COL19A1: variants seen among roughly 807,000 people sequenced by gnomAD.
COL19A1 encodes collagen type XIX alpha 1 chain.
A neutral mutation model predicts 190.2 loss-of-function variants in COL19A1; 159 were observed. That is an observed-to-expected ratio of 0.84 (90% CI 0.73 to 0.95). The LOEUF (loss-of-function observed/expected upper bound fraction) is 0.95. COL19A1 is among the 40% of genes least tolerant of loss of function. COL19A1 has a pLI of 0.00. For synonymous variants in COL19A1, 509 were observed against 458.9 expected, an observed-to-expected ratio of 1.11 and a Z score of -1.39; for missense variants, 1,418 against 1,431.9, an observed-to-expected ratio of 0.99 and a Z score of 0.16.
At chr6:70,162,531 T>G (rs1161743416) in intron 35 of COL19A1, among the ~76,000 whole-genome samples, 1 of 152,100 alleles carries the variant, frequency 6.6e-6, no homozygotes, top group Non-Finnish European at 1.5e-5. Context: ...AATTCTAGAG[T>G]CATCAGATAA....
Position 69,979,697 on chromosome 6 carries a change from A to G in COL19A1, c.1026+16827A>G, listed in dbSNP as rs140437004. On this transcript the variant is annotated intron_variant, in intron 11 of 50. Transcript: ENST00000620364. ...CTTTTTTTACTAATGAGTTGACTCTATAGGTAGAAAATCTAAGAGACTTTG... is the reference window on the plus strand; with the variant it reads ...CTTTTTTTACTAATGAGTTGACTCTGTAGGTAGAAAATCTAAGAGACTTTG... Among the ~76,000 whole-genome samples the G allele has an allele frequency of 6.6e-5, 10 of 151,798 alleles. No homozygotes were observed. In the East Asian group the frequency reaches 1.4e-3, roughly 21 times the overall value.
At chr6:70,100,219 T>C (rs1370408117) in intron 15 of COL19A1, among the ~76,000 whole-genome samples, 1 of 152,184 alleles carries the variant, frequency 6.6e-6, no homozygotes, top group Non-Finnish European at 1.5e-5. Context: ...ACCATTGATT[T>C]AGTTTCTTTG....
intron 11 of COL19A1, among the ~76,000 whole-genome samples, chr6:69,992,184 C>T (rs892266551): frequency 6.6e-6 from 1 of 152,088 alleles, no homozygotes; most frequent in East Asian, 1.9e-4. Flanking sequence ...TTTTCGTAAG[C>T]CTTGTCGAAA....
At chr6:69,895,686 A>C (rs1769681791) in intron 2 of COL19A1, among the ~76,000 whole-genome samples, 1 of 152,222 alleles carries the variant, frequency 6.6e-6, no homozygotes, top group South Asian at 2.1e-4. Flanking sequence ...GGCTGGTTGG[A>C]GTTTCTCCAG....
chr6:70,163,070 C>A (rs1003504814), intron 35 of COL19A1, among the ~76,000 whole-genome samples: 1 of 152,134 alleles, frequency 6.6e-6, no homozygotes, highest in Non-Finnish European at 1.5e-5. Flanking sequence ...AACAGCAAGA[C>A]TAGATTCTTA....
chr6:70,047,728 C>A (rs890911075), intron 14 of COL19A1, among the ~76,000 whole-genome samples: 1 of 152,020 alleles, frequency 6.6e-6, no homozygotes, highest in Non-Finnish European at 1.5e-5. Flanking sequence ...TTGCCAGATT[C>A]TCCTCAATTA....
intron 14 of COL19A1, among the ~76,000 whole-genome samples, chr6:70,050,963 C>T (rs1780169424): frequency 1.3e-5 from 2 of 152,012 alleles, no homozygotes; most frequent in Non-Finnish European, 2.9e-5. Context: ...CAGATTCTAT[C>T]CTTAAATATG....
intron 15 of COL19A1, among the ~76,000 whole-genome samples, chr6:70,071,594 C>G (rs1363096186): frequency 6.6e-6 from 1 of 151,990 alleles, no homozygotes; most frequent in Non-Finnish European, 1.5e-5. Flanking sequence ...CTTCTTGAAG[C>G]CCTGCAAGCA....
intron 30 of COL19A1, among the ~76,000 whole-genome samples, chr6:70,151,046 T>C (rs1402466450): frequency 6.6e-6 from 1 of 152,180 alleles, no homozygotes; most frequent in Non-Finnish European, 1.5e-5. Context: ...TGATTTCCTT[T>C]TAATAAATAA....
chr6:70,184,126 A>C (rs1212136927), intron 44 of COL19A1, among the ~76,000 whole-genome samples: 3 of 152,188 alleles, frequency 2.0e-5, no homozygotes, highest in South Asian at 2.1e-4. Flanking sequence ...CTTTTCTTTC[A>C]TATTTCCAAC....
At chr6:70,148,254 A>C (rs1331149166) in intron 27 of COL19A1, among the ~76,000 whole-genome samples, 4 of 150,512 alleles carry the variant, frequency 2.7e-5, no homozygotes, top group Non-Finnish European at 5.9e-5. Context: ...TCTGGTGATC[A>C]GCTCCTATCC....
chr6:70,078,748 T>G (rs1323575195), intron 15 of COL19A1, among the ~76,000 whole-genome samples: 2 of 152,112 alleles, frequency 1.3e-5, no homozygotes, highest in South Asian at 2.1e-4. Flanking sequence ...AGTGAAGACA[T>G]GATTTTAAAA....
chr6:69,951,005 C>A (rs139301796), intron 9 of COL19A1, among the ~76,000 whole-genome samples: 1 of 151,738 alleles, frequency 6.6e-6, no homozygotes, highest in African/African-American at 2.4e-5. Context: ...AAATATAGAG[C>A]CTAATTTATG....
intron 14 of COL19A1, among the ~76,000 whole-genome samples, chr6:70,045,460 G>A (rs1779859702): frequency 6.6e-6 from 1 of 151,948 alleles, no homozygotes; most frequent in East Asian, 1.9e-4. Context: ...TTGTATTTTG[G>A]ATACTATGAA....
At chr6:70,096,285 G>A (rs1220247141) in intron 15 of COL19A1, among the ~76,000 whole-genome samples, 1 of 151,374 alleles carries the variant, frequency 6.6e-6, no homozygotes, top group East Asian at 1.9e-4. Flanking sequence ...TTAGAAACGG[G>A]GTTTTGCCAT....
Position 70,035,939 on chromosome 6 carries a change from T to G in COL19A1, c.1170T>G (p.Pro390=), listed in dbSNP as rs148417796. 1.4e-5 allele frequency: 23 copies of G among 1,613,090 alleles called. No homozygotes were observed. Among genetic ancestry groups the G allele is most frequent in the Non-Finnish European group, 1.9e-5 (22 of 1,179,226 alleles). Residue 390 remains proline, a splice_region_variant and synonymous_variant, in exon 14 of 51, where the codon CCT becomes CCG. Coordinates refer to ENST00000620364, the MANE Select transcript of COL19A1 (RefSeq NM_001858.6). The stretch of plus-strand genomic sequence containing the variant: ...GACCCCCAGGACCACCAGCCTTACC[T>G]GTAAGTATTCTTGAAATCAAAATTC... ...DTGPPGPPAL[P]GSLGIQGPQG... is the part of the protein sequence containing the mutation.
At chr6:69,921,422 T>TCATATATATCATATATATCATATATC (rs1771849165) in intron 4 of COL19A1, among the ~76,000 whole-genome samples, 1 of 127,312 alleles carries the variant, frequency 7.9e-6, no homozygotes, top group African/African-American at 3.4e-5. Context: ...ATATATCATA[T>TCATATATATCATATATATCATATATC]ATATCATATA....
At chr6:69,987,240 T>C (rs917929606) in intron 11 of COL19A1, among the ~76,000 whole-genome samples, 3 of 152,194 alleles carry the variant, frequency 2.0e-5, no homozygotes, top group African/African-American at 7.2e-5. Context: ...ATAAAATCCT[T>C]CTGTCATGTT....
intron 14 of COL19A1, among the ~76,000 whole-genome samples, chr6:70,051,718 A>T (rs1461194535): frequency 1.3e-5 from 2 of 151,088 alleles, no homozygotes; most frequent in Non-Finnish European, 2.9e-5. Context: ...TCATGGAAAG[A>T]CCCATTGTCT....
Sources: gnomAD v4.1 joint callset for allele counts (sites outside exome capture counted in the v4.1 genomes callset) on GRCh38, gnomAD v4.1.1 for gene constraint, MANE v1.5 for transcripts, NCBI Gene and HGNC (gene_info 2026-07-23, HGNC 2026-07-21) for gene names.